The following ACSL4 variants were observed in gnomAD, a reference collection of about 807,000 sequenced individuals.
The protein encoded by ACSL4 is acyl-CoA synthetase long chain family member 4, also known as long-chain-fatty-acid--CoA ligase 4.
ACSL4 carries 9 observed loss-of-function variants against 49.1 expected under a neutral mutation model. The observed-to-expected ratio is 0.18, with a 90% CI of 0.11 to 0.32. The LOEUF is 0.32. Ranked by LOEUF, ACSL4 falls within the 10% of genes least tolerant of loss-of-function variation. The pLI, the probability that ACSL4 is intolerant of heterozygous loss-of-function variation, is 1.00. For synonymous variants in ACSL4, 191 were observed against 170.3 expected (o/e 1.12, Z -0.95); for missense variants, 333 against 493.7 (o/e 0.67, Z 3.08).
intron 9 of ACSL4, among the ~76,000 whole-genome samples, chrX:109,672,333 G>A (rs1169583386): frequency 4.5e-5 from 5 of 110,618 alleles, no homozygotes; most frequent in Non-Finnish European, 9.5e-5. Context: ...TGAGACAGAT[G>A]TGTGAGAACC....
At chrX:109,664,102 G>A (rs781025689) in intron 12 of ACSL4, among the ~76,000 whole-genome samples, 3 of 111,189 alleles carry the variant, frequency 2.7e-5, no homozygotes, top group Non-Finnish European at 5.7e-5. Context: ...CCTTTCAGCT[G>A]TTAGCTGCTC....
At chrX:109,686,992 G>A (rs779175761) in intron 2 of ACSL4, among the ~76,000 whole-genome samples, 2 of 112,065 alleles carry the variant, frequency 1.8e-5, no homozygotes, top group Admixed American at 1.9e-4. Flanking sequence ...GGTAGAGGAG[G>A]CTATGACAGC....
At chrX:109,691,863 A>G (rs942031470) in intron 2 of ACSL4, among the ~76,000 whole-genome samples, 1 of 112,043 alleles carries the variant, frequency 8.9e-6, no homozygotes. Flanking sequence ...TAATTATAAT[A>G]AATACATTTT....
rs748820313 is a variant in ACSL4, at chrX:109,706,387, G to A, written c.-65-10191C>T. On this transcript the variant is annotated intron_variant, in intron 1 of 15. Transcript: ENST00000672401. Reference sequence around the variant, plus strand: ...GAGACTAGATAAAAGATGAATGTGAGAGTATGAAAAAACAACAAGAATGCA... The same window carrying A: ...GAGACTAGATAAAAGATGAATGTGAAAGTATGAAAAAACAACAAGAATGCA... 3.0e-4 allele frequency among the ~76,000 whole-genome samples: 34 copies of A among 112,180 alleles called. No homozygotes were observed. In the Admixed American group the frequency reaches 3.1e-3, roughly 10 times the overall value.
chrX:109,668,550 A>G (rs1197515846), intron 10 of ACSL4, among the ~76,000 whole-genome samples: 1 of 111,851 alleles, frequency 8.9e-6, no homozygotes, highest in Non-Finnish European at 1.9e-5. Flanking sequence ...AAAAAATTTT[A>G]ATTATCTTTG....
intron 8 of ACSL4, among the ~76,000 whole-genome samples, chrX:109,677,498 G>T (rs907758665): frequency 6.3e-5 from 7 of 110,880 alleles, no homozygotes; most frequent in Non-Finnish European, 9.5e-5. Flanking sequence ...TAATTTTAAG[G>T]CTGGGCACAG....
intron 1 of ACSL4, among the ~76,000 whole-genome samples, chrX:109,703,670 G>T (rs1485518660): frequency 9.0e-6 from 1 of 111,632 alleles, no homozygotes; most frequent in African/African-American, 3.3e-5. Context: ...GGTGGCTCAC[G>T]CCTGTAATCC....
At chrX:109,676,465 G>T (rs1309175095) in intron 8 of ACSL4, among the ~76,000 whole-genome samples, 1 of 111,596 alleles carries the variant, frequency 9.0e-6, no homozygotes, top group Non-Finnish European at 1.9e-5. Context: ...GCATTGCCTG[G>T]TGGGGGGCGG....
In ACSL4 at chrX:109,669,135, T is replaced by G; in HGVS notation, c.1041A>C (p.Lys347Asn). 8.5e-7 allele frequency: 1 copy of G among 1,172,943 alleles called. No individual in the cohort carries two copies. Among genetic ancestry groups the G allele is most frequent in the Non-Finnish European group, 1.2e-6 (1 of 862,338 alleles). The change falls in exon 10 of 16, where the codon AAA (lysine) becomes AAC (asparagine). Residue 347 changes from lysine (K) to asparagine (N), a missense_variant. By Grantham distance (94) the Lys-to-Asn change is moderately conservative. Around this residue, in one of 3 missense-constraint regions of ACSL4, gnomAD observed 175 missense variants for 275.8 expected, o/e 0.63. Coordinates refer to ENST00000672401, the MANE Select transcript of ACSL4 (RefSeq NM_001318510.2). ...MDRIYKNVMSKVQEMNYIQKT... is the reference protein window; with the variant it reads ...MDRIYKNVMSNVQEMNYIQKT... ...TCTGAATATAATTCATCTCTTGGAC[T>G]TTGCTCATAACATTCTTATAAATTC...
intron 2 of ACSL4, among the ~76,000 whole-genome samples, chrX:109,688,034 T>C (rs1924745287): frequency 8.9e-6 from 1 of 111,754 alleles, no homozygotes; most frequent in Non-Finnish European, 1.9e-5. Flanking sequence ...TCAAATGGAC[T>C]CTCCCTGATG....
intron 9 of ACSL4, among the ~76,000 whole-genome samples, chrX:109,672,599 CA>C (rs1002800192): frequency 6.3e-5 from 7 of 110,469 alleles, no homozygotes; most frequent in African/African-American, 2.3e-4. Flanking sequence ...GAAACAAACT[CA>C]AAAAACAGAC....
intron 15 of ACSL4, 23 bp downstream of exon 15, chrX:109,659,331 C>G: frequency 8.3e-7 from 1 of 1,197,709 alleles, no homozygotes; most frequent in Non-Finnish European, 1.1e-6. Context: ...GGGACTATAC[C>G]AGTCTAGCAA....
Position 109,682,831 on chromosome X carries a change from A to C in ACSL4, c.294T>G (p.Gly98=), listed in dbSNP as rs911792103. 3.3e-6 allele frequency: 4 copies of C among 1,209,794 alleles called. No individual in the cohort carries two copies. Among genetic ancestry groups the C allele is most frequent in the Admixed American group, 2.2e-5 (1 of 45,760 alleles). Residue 98 remains glycine (G), a synonymous_variant, in exon 4 of 16, where the codon GGT becomes GGG. Transcript: ENST00000672401. The part of the protein sequence containing the change: ...LEVNRRVNNF[G]SGLTALGLKP... ...TTAGTCCCAGTGCAGTGAGTCCACT[A>C]CCAAAGTTATTCACTCTGCGATTCA...
chrX:109,647,138 C>T (rs1271814312), intron 15 of ACSL4, among the ~76,000 whole-genome samples: 1 of 110,804 alleles, frequency 9.0e-6, no homozygotes, highest in South Asian at 3.9e-4. Flanking sequence ...AACAAGGATA[C>T]CCAGGAATTG....
chrX:109,709,262 T>C lies in ACSL4; in HGVS notation c.-65-13066A>G, dbSNP rs1013432368. On this transcript the variant is annotated intron_variant, in intron 1 of 15. Transcript: ENST00000672401. ...CCCAGAGGGCTACTTTCCACACGGG[T>C]GATCAGAGGGCCTGTGAAAGGAGGG... is the stretch of plus-strand genomic sequence containing the variant. Among the ~76,000 whole-genome samples the C allele has an allele frequency of 2.7e-5, 3 of 111,942 alleles. No homozygotes were observed. The South Asian group carries it at 1.1e-3, about 42-fold the overall frequency.
At chrX:109,726,271 A>C (rs1031172829) in intron 1 of ACSL4, among the ~76,000 whole-genome samples, 4 of 111,785 alleles carry the variant, frequency 3.6e-5, no homozygotes, top group African/African-American at 1.3e-4. Context: ...AATACAAAAA[A>C]AATTAGCCAG....
rs375127310 is a variant in ACSL4 at position 109,702,625 on chromosome X, T to C, written c.-65-6429A>G. Among the ~76,000 whole-genome samples the C allele has an allele frequency of 3.8e-3, 422 of 112,109 alleles. 1 individual carries two copies. Among genetic ancestry groups the C allele is most frequent in the African/African-American group, 0.013 (388 of 30,909 alleles). The stretch of plus-strand genomic sequence containing the variant: ...CTCCAAGAAAAAGAACCAGAGCTCT[T>C]TGGAGCAGTTGATTACGGGGCTGAG... On this transcript the variant is annotated intron_variant, in intron 1 of 15. Transcript: ENST00000672401.
intron 1 of ACSL4, among the ~76,000 whole-genome samples, chrX:109,720,832 G>A (rs1211650798): frequency 8.9e-6 from 1 of 111,957 alleles, no homozygotes; most frequent in Non-Finnish European, 1.9e-5. Context: ...TTCTGAACCC[G>A]AAATATTCCA....
chrX:109,667,753 A>G (rs1922800175), intron 11 of ACSL4, among the ~76,000 whole-genome samples: 1 of 110,948 alleles, frequency 9.0e-6, no homozygotes, highest in Admixed American at 9.5e-5. Context: ...TTAGCTGGGC[A>G]TGGTGGCACA....
Sources: gnomAD v4.1 joint callset for allele counts (sites outside exome capture counted in the v4.1 genomes callset) on GRCh38, gnomAD v4.1.1 for gene constraint, gnomAD v4.1.1 regional missense constraint, MANE v1.5 for transcripts, NCBI Gene and HGNC (gene_info 2026-07-23, HGNC 2026-07-21) for gene names.